Variants in NELFA observed in about 807,000 individuals in gnomAD.
NELFA encodes the protein negative elongation factor complex member A, also known as negative elongation factor A.
NELFA carries 35 observed loss-of-function variants against 51.8 expected under a neutral mutation model. That is an observed-to-expected ratio of 0.68 (90% CI 0.52 to 0.90). The LOEUF is 0.90. Among genes scored for constraint, NELFA ranks in the 40% least tolerant of loss-of-function variants. The pLI is 0.00. For missense variants in NELFA, 658 were observed against 746.4 expected, an observed-to-expected ratio of 0.88 and a Z score of 1.38; for synonymous variants, 417 against 338.4, an observed-to-expected ratio of 1.23 and a Z score of -2.55.
intron 1 of NELFA, among the ~76,000 whole-genome samples, chr4:2,002,395 T>A (rs1284591547): frequency 6.6e-6 from 1 of 152,166 alleles, no homozygotes; most frequent in Non-Finnish European, 1.5e-5. Flanking sequence ...AAATTTCATA[T>A]GGAATCAAAG....
intron 1 of NELFA, among the ~76,000 whole-genome samples, chr4:1,995,090 C>T (rs1253828682): frequency 1.3e-5 from 2 of 152,178 alleles, no homozygotes; most frequent in Non-Finnish European, 2.9e-5. Context: ...GAGGGCCCTC[C>T]CTACTGCTGA....
Position 1,984,805 on chromosome 4 carries a change from C to CA in NELFA, c.1036+2dup, listed in dbSNP as rs1421782503. 6.4e-7 allele frequency: 1 copy of CA among 1,555,818 alleles called. No individual in the cohort carries two copies. Among genetic ancestry groups the CA allele is most frequent in the Non-Finnish European group, 8.7e-7 (1 of 1,149,126 alleles). On this transcript the variant is annotated splice_region_variant and intron_variant, in intron 8 of 10. Coordinates refer to ENST00000382882, the MANE Select transcript of NELFA (RefSeq NM_005663.5). ...GGTTCCAGGCTGGGGCCAGCAGACT[C>CA]ACCTGGGGGCGTCTCGGAGCTGGGG...
Position 2,008,789 on chromosome 4 carries a change from T to A in NELFA, c.171A>T (p.Leu57=), listed in dbSNP as rs571033839. The change falls in exon 1 of 11, where the codon CTA becomes CTT. Residue 57 remains leucine, a synonymous_variant. Coordinates refer to ENST00000382882, the MANE Select transcript of NELFA (RefSeq NM_005663.5). The part of the protein sequence containing the change: ...GLSSAVKLKL[L]LGTLHLPRRT... The stretch of plus-strand genomic sequence containing the variant: ...GGCGCGGGAGGTGCAGCGTCCCGAG[T>A]AGCAACTTGAGCTTCACTGCCGACG... 67 of 1,612,400 alleles carry A rather than the reference T, an allele frequency of 4.2e-5. No homozygotes were observed. Among genetic ancestry groups the A allele is most frequent in the Non-Finnish European group, 5.1e-6 (6 of 1,179,524 alleles).
rs1444160673 is a variant in NELFA, at chr4:1,985,819, TCCA to T, written c.878_880del (p.Val293del). On this transcript the variant is annotated inframe_deletion, in exon 7 of 11. Coordinates refer to ENST00000382882, the MANE Select transcript of NELFA (RefSeq NM_005663.5). ...GGCTGCGTAGTCCGGGGTGGCGTTC[TCCA>T]CCACCGTTTCCTCCTTGGCCGGCTT... The T allele has an allele frequency of 1.9e-6, 3 of 1,613,314 alleles. No homozygotes were observed. The highest frequency in any genetic ancestry group is 3.3e-5 in the Admixed American group (2 of 59,980).
chr4:1,990,456 G>A (rs938865597), intron 2 of NELFA: 21 of 456,576 alleles, frequency 4.6e-5, no homozygotes, highest in Middle Eastern at 3.2e-4. Context: ...AGAGTTCACC[G>A]GCCTCAGCCT....
intron 6 of NELFA, 113 bp from the exon 7 acceptor site, chr4:1,985,977 G>C: frequency 7.4e-7 from 1 of 1,345,614 alleles, no homozygotes; most frequent in Non-Finnish European, 1.0e-6. Flanking sequence ...GGAGCGAGGA[G>C]AAAAGCAGGC....
At chr4:1,993,851 A>AT (rs1271395981) in intron 1 of NELFA, among the ~76,000 whole-genome samples, 1 of 130,538 alleles carries the variant, frequency 7.7e-6, no homozygotes, top group Non-Finnish European at 1.5e-5. Context: ...CCCGGGCTGG[A>AT]GTGCAATGGC....
intron 2 of NELFA, among the ~76,000 whole-genome samples, chr4:1,991,262 C>A (rs972770155): frequency 6.6e-6 from 1 of 152,182 alleles, no homozygotes; most frequent in Non-Finnish European, 1.5e-5. Flanking sequence ...CCTACCCTCA[C>A]GGAGCCGACC....
At chr4:2,002,702 C>G (rs542183260) in intron 1 of NELFA, among the ~76,000 whole-genome samples, 1 of 152,178 alleles carries the variant, frequency 6.6e-6, no homozygotes, top group Non-Finnish European at 1.5e-5. Context: ...GAAACTGGAC[C>G]TCTTCCTTAC....
rs552781618 is a variant in NELFA at position 1,987,973 on chromosome 4, G to A, written c.579C>T (p.Ala193=). The change falls in exon 4 of 11, where the codon GCC becomes GCT. Residue 193 remains alanine (A), a synonymous_variant. Coordinates refer to ENST00000382882, the MANE Select transcript of NELFA (RefSeq NM_005663.5). ...GGCCCTTGGCGTGGAAGGGCACCCCGGCGCTCCGCTTCAACTGCTGGGCGG... is the reference window on the plus strand; with the variant it reads ...GGCCCTTGGCGTGGAAGGGCACCCCAGCGCTCCGCTTCAACTGCTGGGCGG... ...TETAQQLKRS[A]GVPFHAKGRG... is the part of the protein sequence containing the mutation. 27 of 1,611,296 alleles carry A rather than the reference G, an allele frequency of 1.7e-5. No homozygotes were observed. The African/African-American group carries it at 2.1e-4, about 13-fold the overall frequency.
intron 1 of NELFA, among the ~76,000 whole-genome samples, chr4:2,006,086 C>G (rs567478490): frequency 3.9e-5 from 6 of 152,300 alleles, no homozygotes; most frequent in African/African-American, 1.4e-4. Flanking sequence ...CGTCCGCTAA[C>G]AAGGCTTATA....
At chr4:2,008,529 G>A (rs1236003889) in intron 1 of NELFA, among the ~76,000 whole-genome samples, 7 of 147,038 alleles carry the variant, frequency 4.8e-5, no homozygotes, top group Non-Finnish European at 7.5e-5. Context: ...GGTGGGAGAT[G>A]AGGATCGAGG....
Position 1,983,379 on chromosome 4 carries a change from G to A in NELFA, c.1527C>T (p.Asn509=), listed in dbSNP as rs2109051729. Residue 509 remains asparagine (N), a synonymous_variant, in exon 11 of 11, where the codon AAC becomes AAT. Coordinates refer to ENST00000382882, the MANE Select transcript of NELFA (RefSeq NM_005663.5). The part of the protein sequence containing the change: ...TMLVDTVFEM[N]YATGQWTRFK... ...AGCGCGTCCACTGGCCCGTGGCATA[G>A]TTCATCTCAAACACTGTGTCCACCA... 1.2e-6 allele frequency: 2 copies of A among 1,614,222 alleles called. No individual in the cohort carries two copies. The highest frequency in any genetic ancestry group is 1.7e-6 in the Non-Finnish European group (2 of 1,180,042).
In NELFA at chr4:1,987,891, C is replaced by T. The variant is rs756915903; in HGVS notation, c.634+27G>A. 3.8e-6 allele frequency: 6 copies of T among 1,575,602 alleles called. No homozygotes were observed. The African/African-American group carries it at 4.0e-5, about 11-fold the overall frequency. The stretch of plus-strand genomic sequence containing the variant: ...CCTTAGCTCTGCCCCAAAAGCAAGG[C>T]TCACGGCACCAGGGTGGGGGCCTTA... On this transcript the variant is annotated intron_variant, in intron 4 of 10. Transcript: ENST00000382882.
chr4:1,986,361 G>T lies in NELFA; in HGVS notation c.676C>A (p.Pro226Thr), dbSNP rs549364702. 22 of 1,609,332 alleles carry T rather than the reference G, an allele frequency of 1.4e-5. No homozygotes were observed. The South Asian group carries it at 2.3e-4, about 17-fold the overall frequency. The change falls in exon 5 of 11, where the codon CCC becomes ACC. Residue 226 changes from proline (P) to threonine (T), a missense_variant. Physicochemically the swap from Pro to Thr is conservative, Grantham distance 38 (BLOSUM62 -1). This residue lies in a region of NELFA where 371 missense variants were observed against 448.3 expected (regional missense o/e 0.83). Transcript: ENST00000382882. Reference sequence around the variant, plus strand: ...GGGCTGAAGACGCTGGGCGCCGTGGGGCTTCTGAAGGGCGCCTGCTTCGGG... The same window carrying T: ...GGGCTGAAGACGCTGGGCGCCGTGGTGCTTCTGAAGGGCGCCTGCTTCGGG... ...GIPKQAPFRSPTAPSVFSPTG... is the reference protein window; with the variant it reads ...GIPKQAPFRSTTAPSVFSPTG...
At chr4:1,983,800 C>T in intron 9 of NELFA, 48 bp downstream of exon 9, 1 of 1,580,124 alleles carries the variant, frequency 6.3e-7, no homozygotes, top group Non-Finnish European at 8.6e-7. Flanking sequence ...GTGGCCAGGG[C>T]CGTACCACCT....
chr4:1,983,752 C>T, intron 9 of NELFA, 57 bp from the exon 10 acceptor site: 1 of 1,599,654 alleles, frequency 6.3e-7, no homozygotes, highest in Non-Finnish European at 8.5e-7. Context: ...CCTCCTGCAT[C>T]CCCCTGCAGG....
chr4:1,998,628 G>C (rs1281647815), intron 1 of NELFA, among the ~76,000 whole-genome samples: 1 of 151,980 alleles, frequency 6.6e-6, no homozygotes, highest in Non-Finnish European at 1.5e-5. Flanking sequence ...AACGAACAAA[G>C]CCTCCAAAAA....
chr4:2,000,948 G>A (rs1728553143), intron 1 of NELFA, among the ~76,000 whole-genome samples: 1 of 152,132 alleles, frequency 6.6e-6, no homozygotes, highest in Admixed American at 6.6e-5. Flanking sequence ...TATCCACCAC[G>A]ATCAAGTGGC....
Sources: gnomAD v4.1 joint callset for allele counts (sites outside exome capture counted in the v4.1 genomes callset) on GRCh38, gnomAD v4.1.1 for gene constraint, gnomAD v4.1.1 regional missense constraint, MANE v1.5 for transcripts, NCBI Gene and HGNC (gene_info 2026-07-23, HGNC 2026-07-21) for gene names.